SGCD: variants seen among roughly 807,000 people sequenced by gnomAD.
SGCD encodes sarcoglycan delta.
A neutral mutation model predicts 36.6 loss-of-function variants in SGCD; 18 were observed. The ratio of observed to expected loss-of-function variants is 0.49; its 90% CI spans 0.34 to 0.73. SGCD has a LOEUF of 0.73. Among genes scored for constraint, SGCD ranks in the 30% least tolerant of loss-of-function variants. The pLI is 0.01. For missense variants in SGCD, 387 were observed against 346.7 expected, an observed-to-expected ratio of 1.12 and a Z score of -0.92; for synonymous variants, 133 against 130.6, an observed-to-expected ratio of 1.02 and a Z score of -0.12.
chr5:155,971,158 A>C (rs1758000225), intron 1 of SGCD, among the ~76,000 whole-genome samples: 1 of 152,176 alleles, frequency 6.6e-6, no homozygotes, highest in Admixed American at 6.5e-5. Flanking sequence ...AGGAAGGAAG[A>C]CTGAGGAAGT....
chr5:155,739,866 T>G, the SGCD span, among the ~76,000 whole-genome samples: 1 of 152,186 alleles, frequency 6.6e-6, no homozygotes, highest in African/African-American at 2.4e-5. Flanking sequence ...GAGTTTATAT[T>G]TAAACTTATA....
At chr5:156,413,821 A>C (rs982208072) in intron 3 of SGCD, among the ~76,000 whole-genome samples, 4 of 152,108 alleles carry the variant, frequency 2.6e-5, no homozygotes, top group Non-Finnish European at 2.9e-5. Context: ...CTTGGACTGA[A>C]GCTAGAAAAT....
intron 7 of SGCD, among the ~76,000 whole-genome samples, chr5:156,728,458 C>G (rs1025542496): frequency 2.4e-5 from 3 of 124,180 alleles, no homozygotes; most frequent in African/African-American, 9.2e-5. Context: ...TTGCAGTGAG[C>G]CGAGTTTGCG....
At chr5:156,526,155 G>A (rs1215446163) in intron 4 of SGCD, among the ~76,000 whole-genome samples, 1 of 152,030 alleles carries the variant, frequency 6.6e-6, no homozygotes, top group African/African-American at 2.4e-5. Flanking sequence ...CTTCTAAAAT[G>A]TGCTTCCTTT....
chr5:155,866,854 C>T (rs572683453), upstream of SGCD, among the ~76,000 whole-genome samples: 13 of 152,226 alleles, frequency 8.5e-5, no homozygotes, highest in South Asian at 2.1e-4. Flanking sequence ...CTTACACACA[C>T]GCATGCGTAC....
At chr5:156,216,398 A>G (rs1045661912) in intron 3 of SGCD, among the ~76,000 whole-genome samples, 1 of 152,236 alleles carries the variant, frequency 6.6e-6, no homozygotes, top group South Asian at 2.1e-4. Context: ...CGGTGTATAC[A>G]TATTTCAGAA....
intron 1 of SGCD, among the ~76,000 whole-genome samples, chr5:156,018,360 GT>G (rs1242751105): frequency 6.6e-6 from 1 of 152,014 alleles, no homozygotes; most frequent in Non-Finnish European, 1.5e-5. Context: ...CCCATATTAT[GT>G]CCCACTATGA....
chr5:156,343,612 A>T (rs1336572775), intron 2 of SGCD, among the ~76,000 whole-genome samples: 1 of 152,222 alleles, frequency 6.6e-6, no homozygotes. Flanking sequence ...TAGTAATTCT[A>T]GTATAAAGAT....
chr5:156,215,647 T>C (rs936220978), intron 3 of SGCD, among the ~76,000 whole-genome samples: 2 of 152,080 alleles, frequency 1.3e-5, no homozygotes, highest in Non-Finnish European at 2.9e-5. Context: ...CTAACACCAG[T>C]TAGAATGGCT....
At chr5:155,906,340 A>G (rs1319138095) in intron 1 of SGCD, among the ~76,000 whole-genome samples, 1 of 152,160 alleles carries the variant, frequency 6.6e-6, no homozygotes, top group African/African-American at 2.4e-5. Flanking sequence ...GTGTCCTCTA[A>G]GTATTCAAAT....
Position 156,346,275 on chromosome 5 carries a change from T to C in SGCD, c.192+1598T>C, listed in dbSNP as rs560107393. Among the ~76,000 whole-genome samples the C allele has an allele frequency of 7.3e-4, 111 of 152,262 alleles. 1 individual carries two copies. The highest frequency in any genetic ancestry group is 2.6e-3 in the African/African-American group (107 of 41,544). On this transcript the variant is annotated intron_variant, in intron 3 of 8. Coordinates refer to ENST00000337851, the MANE Select transcript of SGCD (RefSeq NM_000337.6). Reference sequence around the variant, plus strand: ...CTTGAGAAAATAATTCAGTTCTTTCTAAAAAAATTTTTCTTTCTTTATATA... The same window carrying C: ...CTTGAGAAAATAATTCAGTTCTTTCCAAAAAAATTTTTCTTTCTTTATATA...
At chr5:155,991,380 G>C (rs1211030344) in intron 1 of SGCD, among the ~76,000 whole-genome samples, 1 of 152,070 alleles carries the variant, frequency 6.6e-6, no homozygotes. Context: ...CTCAAGTACC[G>C]AGCTGTTTCT....
chr5:156,504,207 C>CA (rs112419355), intron 3 of SGCD, among the ~76,000 whole-genome samples: 4,907 of 91,926 alleles, frequency 0.053, 196 homozygotes, highest in African/African-American at 0.15. Flanking sequence ...AGCTCTGTCT[C>CA]AAAAAAAAAA....
intron 1 of SGCD, among the ~76,000 whole-genome samples, chr5:155,909,354 A>G (rs1160971147): frequency 1.3e-5 from 2 of 152,186 alleles, no homozygotes; most frequent in South Asian, 4.1e-4. Flanking sequence ...GGGATCTTTC[A>G]TACTTTGTGA....
At chr5:156,539,455 C>T (rs548152887) in intron 4 of SGCD, among the ~76,000 whole-genome samples, 2 of 151,898 alleles carry the variant, frequency 1.3e-5, no homozygotes, top group East Asian at 3.9e-4. Flanking sequence ...ATATCATTCT[C>T]ATGCCTTTGT....
intron 3 of SGCD, among the ~76,000 whole-genome samples, chr5:156,148,281 G>A (rs1762753949): frequency 6.6e-6 from 1 of 152,164 alleles, no homozygotes; most frequent in Admixed American, 6.5e-5. Context: ...CAGACCATAT[G>A]CAAACACAGC....
chr5:155,923,964 AATAGGTCC>A (rs1195815680), intron 1 of SGCD, among the ~76,000 whole-genome samples: 1 of 152,170 alleles, frequency 6.6e-6, no homozygotes, highest in Non-Finnish European at 1.5e-5. Context: ...TTAGATGTAA[AATAGGTCC>A]ATAGAGCTCT....
At chr5:155,863,082 T>G in the SGCD span, among the ~76,000 whole-genome samples, 1 of 152,014 alleles carries the variant, frequency 6.6e-6, no homozygotes, top group East Asian at 1.9e-4. Context: ...TATCTTGGAG[T>G]GGATGCTTGG....
intron 3 of SGCD, among the ~76,000 whole-genome samples, chr5:156,394,099 G>C (rs1461378959): frequency 6.6e-6 from 1 of 152,224 alleles, no homozygotes; most frequent in Non-Finnish European, 1.5e-5. Flanking sequence ...TGTGGAGTAG[G>C]AACTGAGCAG....
Sources: allele counts gnomAD v4.1 joint callset (sites outside exome capture counted in the v4.1 genomes callset), GRCh38; gene constraint gnomAD v4.1.1; transcripts MANE v1.5; gene names NCBI Gene and HGNC (gene_info 2026-07-23, HGNC 2026-07-21).